Variants in GATAD2B observed in about 807,000 individuals in gnomAD.
GATAD2B encodes transcriptional repressor p66-beta.
GATAD2B carries 8 observed loss-of-function variants against 64.3 expected under a neutral mutation model. The observed-to-expected ratio is 0.12, with a 90% confidence interval of 0.07 to 0.22. The LOEUF is 0.22. Among genes scored for constraint, GATAD2B ranks in the 10% least tolerant of loss-of-function variants. The pLI is 1.00. For missense variants in GATAD2B, 453 were observed against 752.0 expected (o/e 0.60, Z 4.65); for synonymous variants, 281 against 271.3 (o/e 1.04, Z -0.35).
chr1:153,857,161 T>C (rs962783398), intron 1 of GATAD2B, among the ~76,000 whole-genome samples: 2 of 143,836 alleles, frequency 1.4e-5, no homozygotes, highest in East Asian at 2.2e-4. Context: ...TATATATAAA[T>C]TGGCCGGGCG....
At chr1:153,852,873 C>G (rs1051293365) in intron 1 of GATAD2B, 1 of 777,168 alleles carries the variant, frequency 1.3e-6, no homozygotes, top group African/African-American at 1.7e-5. Flanking sequence ...CTACCAAGAG[C>G]TCTGATTTGG....
intron 5 of GATAD2B, 22 bp downstream of exon 5, chr1:153,818,018 G>C (rs534646876): frequency 2.6e-6 from 4 of 1,567,696 alleles, no homozygotes; most frequent in East Asian, 4.6e-5. Flanking sequence ...CCAACACTAA[G>C]ATCCCACTAT....
chr1:153,817,582 T>G, intron 5 of GATAD2B, 40 bp from the exon 6 acceptor site: 61 of 1,479,040 alleles, frequency 4.1e-5, no homozygotes, highest in Middle Eastern at 1.8e-4. Context: ...TCACAGGTTG[T>G]ACGCTGTGTA....
chr1:153,892,450 T>C (rs1677445880), intron 1 of GATAD2B, among the ~76,000 whole-genome samples: 1 of 152,064 alleles, frequency 6.6e-6, no homozygotes, highest in Non-Finnish European at 1.5e-5. Flanking sequence ...AAGGGGTCTT[T>C]CAGGGTCAAA....
At chr1:153,922,329 G>A (rs1378470091) in intron 1 of GATAD2B, among the ~76,000 whole-genome samples, 4 of 150,884 alleles carry the variant, frequency 2.7e-5, no homozygotes, top group Admixed American at 1.3e-4. Context: ...GGAAAGGAGG[G>A]GAGCATGGCG....
chr1:153,900,376 T>C (rs143826227), intron 1 of GATAD2B, among the ~76,000 whole-genome samples: 3,043 of 151,644 alleles, frequency 0.02, 109 homozygotes, highest in African/African-American at 0.07. Flanking sequence ...GCCGAGATCA[T>C]GCCATTGCAC....
In GATAD2B at chr1:153,845,711, T is replaced by C. The variant is rs376358971; in HGVS notation, c.-1-17363A>G. Among the ~76,000 whole-genome samples, 21 of 151,816 alleles carry C rather than the reference T, an allele frequency of 1.4e-4. No homozygotes were observed. The East Asian group carries it at 1.7e-3, about 13-fold the overall frequency. ...GGGAGGTTGAGGCTGCAGTGAGCAA[T>C]TGCACCACTGCACTCAAGCCTGGGT... On this transcript the variant is annotated intron_variant, in intron 1 of 10. Coordinates refer to ENST00000368655, the MANE Select transcript of GATAD2B (RefSeq NM_020699.4).
intron 1 of GATAD2B, chr1:153,921,824 A>C (rs1483464779): frequency 6.6e-6 from 1 of 152,212 alleles, no homozygotes; most frequent in Non-Finnish European, 1.5e-5. Flanking sequence ...GAAGAATCCA[A>C]AGAGGCTACC....
intron 2 of GATAD2B, among the ~76,000 whole-genome samples, chr1:153,826,890 A>G (rs1163867561): frequency 1.3e-5 from 2 of 151,162 alleles, no homozygotes; most frequent in African/African-American, 2.4e-5. Context: ...ACAATGAGCT[A>G]TGATCATGCT....
chr1:153,921,192 A>C (rs1678419110), intron 1 of GATAD2B, among the ~76,000 whole-genome samples: 1 of 152,170 alleles, frequency 6.6e-6, no homozygotes, highest in Non-Finnish European at 1.5e-5. Context: ...AAAAGCAATA[A>C]AGTTAGCACT....
chr1:153,823,565 A>T (rs181346010), intron 2 of GATAD2B, among the ~76,000 whole-genome samples: 11 of 152,058 alleles, frequency 7.2e-5, no homozygotes, highest in Non-Finnish European at 1.5e-5. Flanking sequence ...GCCCAGACAG[A>T]GCTCAAATTC....
intron 1 of GATAD2B, chr1:153,852,318 C>T: frequency 1.0e-6 from 1 of 999,782 alleles, no homozygotes. Flanking sequence ...CAGACACTTC[C>T]TCAAAGGAGG....
chr1:153,851,193 CAT>C (rs1021818450), intron 1 of GATAD2B, among the ~76,000 whole-genome samples: 14 of 152,192 alleles, frequency 9.2e-5, no homozygotes, highest in Non-Finnish European at 1.5e-4. Flanking sequence ...AGTAGACTCA[CAT>C]AGTTATTTAT....
chr1:153,911,106 A>T (rs1678097547), intron 1 of GATAD2B, among the ~76,000 whole-genome samples: 1 of 152,204 alleles, frequency 6.6e-6, no homozygotes, highest in Non-Finnish European at 1.5e-5. Flanking sequence ...GTTCCAGGGA[A>T]TAAAGTGAAA....
chr1:153,824,950 G>C (rs150759680), intron 2 of GATAD2B, among the ~76,000 whole-genome samples: 155 of 152,186 alleles, frequency 1.0e-3, no homozygotes, highest in Middle Eastern at 3.4e-3. Flanking sequence ...GCTGGGTACA[G>C]GGGCACACGC....
intron 1 of GATAD2B, among the ~76,000 whole-genome samples, chr1:153,918,839 T>C (rs889023629): frequency 1.3e-5 from 2 of 152,048 alleles, no homozygotes; most frequent in African/African-American, 4.8e-5. Context: ...TAATCCCAGC[T>C]ACTTGGGAGG....
chr1:153,907,211 T>C (rs1260648787), intron 1 of GATAD2B, among the ~76,000 whole-genome samples: 1 of 152,248 alleles, frequency 6.6e-6, no homozygotes, highest in African/African-American at 2.4e-5. Context: ...CCAGTCATGT[T>C]CACAGCAGCC....
chr1:153,820,352 C>G (rs1273697409), intron 2 of GATAD2B, among the ~76,000 whole-genome samples: 1 of 152,180 alleles, frequency 6.6e-6, no homozygotes, highest in Non-Finnish European at 1.5e-5. Context: ...ACTCCTCTTA[C>G]TCCTAATCCT....
intron 1 of GATAD2B, among the ~76,000 whole-genome samples, chr1:153,834,604 G>C (rs1570943273): frequency 6.6e-6 from 1 of 151,680 alleles, no homozygotes; most frequent in East Asian, 2.0e-4. Context: ...TGGTCAGGCT[G>C]GTCTCGCACT....
Sources: gnomAD v4.1 joint callset for allele counts (sites outside exome capture counted in the v4.1 genomes callset) on GRCh38, gnomAD v4.1.1 for gene constraint, MANE v1.5 for transcripts, NCBI Gene and HGNC (gene_info 2026-07-23, HGNC 2026-07-21) for gene names.